The following DNHD1 variants were observed in gnomAD, a reference collection of about 807,000 sequenced individuals.
DNHD1 encodes dynein heavy chain domain-containing protein 1.
A neutral mutation model predicts 458.1 loss-of-function variants in DNHD1; 383 were observed. That is an observed-to-expected ratio of 0.84 (90% confidence interval 0.77 to 0.91). The LOEUF (loss-of-function observed/expected upper bound fraction) is 0.91. Ranked by LOEUF, DNHD1 falls within the 40% of genes least tolerant of loss-of-function variation. The pLI is 0.00. For missense variants in DNHD1, 5,336 were observed against 5,866.1 expected (o/e 0.91, Z 2.95); for synonymous variants, 2,203 against 2,376.9 (o/e 0.93, Z 2.13).
rs751124432 is a variant in DNHD1 at position 6,533,709 on chromosome 11, A to G, written c.2534A>G (p.Glu845Gly). 2.5e-5 allele frequency: 39 copies of G among 1,551,148 alleles called. No individual in the cohort carries two copies. Among genetic ancestry groups the G allele is most frequent in the Non-Finnish European group, 3.1e-5 (36 of 1,146,658 alleles). The change falls in exon 14 of 43, where the codon GAG becomes GGG. Residue 845 changes from glutamate to glycine, a missense_variant. Physicochemically the swap from Glu to Gly is moderately conservative, Grantham distance 98 (BLOSUM62 -2). This residue lies in a region of DNHD1 where 3,932 missense variants were observed against 4,365.6 expected (regional missense o/e 0.90). Transcript: ENST00000254579. ...AATGAAGCCAATGAACAGTACGTCG[A>G]GCTGGAGGAGCGAATGGAATACGTA... Reference protein sequence around the residue: ...KLNEANEQYVELEERMEYVRA... With the variant: ...KLNEANEQYVGLEERMEYVRA...
At chr11:6,523,823 CA>C (rs1852653447) in intron 10 of DNHD1, among the ~76,000 whole-genome samples, 1 of 151,876 alleles carries the variant, frequency 6.6e-6, no homozygotes, top group Admixed American at 6.6e-5. Flanking sequence ...CCTGTCTCTA[CA>C]AAAAAATTTA....
At chr11:6,560,750 A>G (rs1430330549) in intron 28 of DNHD1, among the ~76,000 whole-genome samples, 1 of 152,160 alleles carries the variant, frequency 6.6e-6, no homozygotes, top group African/African-American at 2.4e-5. Context: ...CCCCAAGAAA[A>G]GGCATTACCA....
In DNHD1 at chr11:6,557,552, A is replaced by G. The variant is rs1170037923; in HGVS notation, c.8257A>G (p.Ile2753Val). ...NSRDPSLTPS[I>V]GPVSRGMKES... ...CAGAGATCCAAGTCTAACACCATCCATAGGACCAGTAAGCAGGGGGATGAA... is the reference window on the plus strand; with the variant it reads ...CAGAGATCCAAGTCTAACACCATCCGTAGGACCAGTAAGCAGGGGGATGAA... Residue 2753 changes from isoleucine to valine, a missense_variant, in exon 25 of 43, where the codon ATA (isoleucine) becomes GTA (valine). By Grantham distance (29) the Ile-to-Val change is conservative. Coordinates refer to ENST00000254579, the MANE Select transcript of DNHD1 (RefSeq NM_144666.3). 3 of 1,551,660 alleles carry G rather than the reference A, an allele frequency of 1.9e-6. No homozygotes were observed. The highest frequency in any genetic ancestry group is 2.4e-5 in the South Asian group (2 of 84,066).
In DNHD1 at chr11:6,498,282, T is replaced by A. The variant is rs948621562; in HGVS notation, c.67T>A (p.Trp23Arg). ...GACATCATCTGATTCCCTTAAGTCT[T>A]GGCACTCCATATGTGTCTTGGACAG... ...DETSSDSLKS[W>R]HSICVLDSKE... Residue 23 changes from tryptophan to arginine, a missense_variant, in exon 3 of 43, where the codon TGG becomes AGG. By Grantham distance (101) the Trp-to-Arg change is moderately radical. This residue lies in a region of DNHD1 where 3,932 missense variants were observed against 4,365.6 expected (regional missense o/e 0.90). Coordinates refer to ENST00000254579, the MANE Select transcript of DNHD1 (RefSeq NM_144666.3). The A allele has an allele frequency of 6.2e-7, 1 of 1,614,208 alleles. No individual in the cohort carries two copies. Among genetic ancestry groups the A allele is most frequent in the Admixed American group, 1.7e-5 (1 of 60,032 alleles).
At chr11:6,519,534 A>C in intron 7 of DNHD1, 66 bp from the exon 8 acceptor site, 1 of 1,578,006 alleles carries the variant, frequency 6.3e-7, no homozygotes, top group South Asian at 1.2e-5. Flanking sequence ...GAGTTTGCAC[A>C]GACTAGTGGG....
chr11:6,547,809 A>T lies in DNHD1; in HGVS notation c.6728-54A>T. On this transcript the variant is annotated intron_variant, in intron 21 of 42. Coordinates refer to ENST00000254579, the MANE Select transcript of DNHD1 (RefSeq NM_144666.3). ...ACTGTCAACCTTTTTTCTTTCTTTC[A>T]CCTTCCACCTTTTTCTACTGGGGCT... The T allele has an allele frequency of 3.9e-6, 6 of 1,540,862 alleles. No homozygotes were observed. In the Admixed American group the frequency reaches 6.0e-5, roughly 16 times the overall value.
At chr11:6,515,203 C>T (rs1430481319) in intron 7 of DNHD1, among the ~76,000 whole-genome samples, 2 of 152,196 alleles carry the variant, frequency 1.3e-5, no homozygotes, top group African/African-American at 4.8e-5. Flanking sequence ...CAAATCATAG[C>T]AACTCCTGTA....
intron 25 of DNHD1, 30 bp from the exon 26 acceptor site, chr11:6,558,455 G>A: frequency 6.4e-7 from 1 of 1,550,474 alleles, no homozygotes; most frequent in Non-Finnish European, 8.7e-7. Flanking sequence ...AAGGTAAAGG[G>A]GAGGACATTA....
Position 6,511,395 on chromosome 11 carries a change from G to T in DNHD1, c.1358G>T (p.Arg453Leu), listed in dbSNP as rs148449070. The T allele has an allele frequency of 2.5e-6, 4 of 1,614,188 alleles. No homozygotes were observed. The African/African-American group carries it at 5.3e-5, about 22-fold the overall frequency. Reference sequence around the variant, plus strand: ...CATAAGGCTCTACGGCTGCTCCATCGTTGCCTAAACCTCTGCACATCCATT... The same window carrying T: ...CATAAGGCTCTACGGCTGCTCCATCTTTGCCTAAACCTCTGCACATCCATT... The part of the protein sequence containing the change: ...EKHKALRLLH[R>L]CLNLCTSILR... The change falls in exon 7 of 43, where the codon CGT becomes CTT. Residue 453 changes from arginine (R) to leucine (L), a missense_variant. Transcript: ENST00000254579.
At chr11:6,538,941 T>C (rs1438518992) in intron 16 of DNHD1, 131 bp downstream of exon 16, 2 of 1,060,112 alleles carry the variant, frequency 1.9e-6, no homozygotes, top group Non-Finnish European at 2.7e-6. Context: ...CTTTCCCACA[T>C]ATTTCAATTT....
chr11:6,534,910 C>T (rs1215562514), intron 14 of DNHD1, among the ~76,000 whole-genome samples: 1 of 152,144 alleles, frequency 6.6e-6, no homozygotes, highest in Non-Finnish European at 1.5e-5. Context: ...CCATGCCTGG[C>T]TAATTTTTGT....
intron 3 of DNHD1, among the ~76,000 whole-genome samples, chr11:6,499,654 G>T (rs564635087): frequency 6.6e-6 from 1 of 151,852 alleles, no homozygotes; most frequent in Non-Finnish European, 1.5e-5. Context: ...CGCAACCTCC[G>T]CCTCCCGGGT....
chr11:6,567,971 G>C, intron 36 of DNHD1, 85 bp from the exon 37 acceptor site: 3 of 1,481,532 alleles, frequency 2.0e-6, no homozygotes, highest in Non-Finnish European at 2.7e-6. Context: ...AGGGACTTTG[G>C]GGATCATGGT....
intron 24 of DNHD1, among the ~76,000 whole-genome samples, chr11:6,555,998 A>ATTG (rs1229921703): frequency 6.6e-6 from 1 of 151,988 alleles, no homozygotes; most frequent in East Asian, 1.9e-4. Flanking sequence ...TATTATTATT[A>ATTG]TTTTTAGAGA....
Position 6,548,129 on chromosome 11 carries a change from G to T in DNHD1, c.6906-81G>T. The T allele has an allele frequency of 6.5e-7, 1 of 1,544,630 alleles. No homozygotes were observed. The highest frequency in any genetic ancestry group is 1.2e-5 in the South Asian group (1 of 83,914). ...AAACCCACATGACATCACTGTTAGG[G>T]TATGGTGGAGTGTGTGAGTGTGTCA... On this transcript the variant is annotated intron_variant, in intron 22 of 42. Transcript: ENST00000254579. The surrounding 1 kb of genome is among the most constrained non-coding windows in gnomAD (Gnocchi z 4.4).
Position 6,520,308 on chromosome 11 carries a change from G to A in DNHD1, c.1837+19G>A. 1.3e-6 allele frequency: 2 copies of A among 1,551,632 alleles called. No homozygotes were observed. Among genetic ancestry groups the A allele is most frequent in the Non-Finnish European group, 1.7e-6 (2 of 1,146,968 alleles). ...TCTGAAGGTATTTAGGGAGACCTAG[G>A]CAGGGGGTAGGAAGGCTGAAGGAGG... On this transcript the variant is annotated intron_variant, in intron 10 of 42. Transcript: ENST00000254579.
chr11:6,570,599 C>A lies in DNHD1; in HGVS notation c.13106-19C>A. 1 of 1,578,082 alleles carries A rather than the reference C, an allele frequency of 6.3e-7. No homozygotes were observed. Among genetic ancestry groups the A allele is most frequent in the East Asian group, 2.3e-5 (1 of 43,852 alleles). ...GGGAGAGTCCATCTTGTCCCTCACCCCTCACCTCTATCCCCAAGAGCTAAG... is the reference window on the plus strand; with the variant it reads ...GGGAGAGTCCATCTTGTCCCTCACCACTCACCTCTATCCCCAAGAGCTAAG... On this transcript the variant is annotated intron_variant, in intron 41 of 42. Transcript: ENST00000254579.
In DNHD1 at chr11:6,558,209, G is replaced by A. The variant is rs1466364353; in HGVS notation, c.8914G>A (p.Glu2972Lys). ...TSGSFPGQYTEADLDRIGEHL... is the reference protein window; with the variant it reads ...TSGSFPGQYTKADLDRIGEHL... Reference sequence around the variant, plus strand: ...AGGCAGTTTCCCTGGCCAGTACACAGAAGCAGATTTGGACCGCATTGGAGA... The same window carrying A: ...AGGCAGTTTCCCTGGCCAGTACACAAAAGCAGATTTGGACCGCATTGGAGA... Residue 2972 changes from glutamate to lysine, a missense_variant, in exon 25 of 43, where the codon GAA becomes AAA. By Grantham distance (56) the Glu-to-Lys change is moderately conservative (BLOSUM62 1). Transcript: ENST00000254579. 1.3e-6 allele frequency: 2 copies of A among 1,551,744 alleles called. No homozygotes were observed. The highest frequency in any genetic ancestry group is 3.9e-5 in the Admixed American group (2 of 51,012).
chr11:6,557,616 C>G lies in DNHD1; in HGVS notation c.8321C>G (p.Thr2774Arg), dbSNP rs1456679381. ...ISHKIRQEKG[T>R]RASNYRLQVR... ...CACAAGATAAGGCAAGAGAAAGGCA[C>G]AAGGGCATCCAACTATAGGCTCCAG... is the stretch of plus-strand genomic sequence containing the variant. Residue 2774 changes from threonine to arginine, a missense_variant, in exon 25 of 43, where the codon ACA (threonine) becomes AGA (arginine). By Grantham distance (71) the Thr-to-Arg change is moderately conservative (BLOSUM62 -1). This residue lies in a region of DNHD1 where 3,932 missense variants were observed against 4,365.6 expected (regional missense o/e 0.90). Coordinates refer to ENST00000254579, the MANE Select transcript of DNHD1 (RefSeq NM_144666.3). The G allele has an allele frequency of 1.3e-6, 2 of 1,551,768 alleles. No homozygotes were observed. The highest frequency in any genetic ancestry group is 1.7e-6 in the Non-Finnish European group (2 of 1,147,010).
Sources: allele counts gnomAD v4.1 joint callset (sites outside exome capture counted in the v4.1 genomes callset), GRCh38; gene constraint gnomAD v4.1.1; regional missense constraint gnomAD v4.1.1; non-coding constraint Gnocchi (gnomAD v3.1); transcripts MANE v1.5; gene names NCBI Gene and HGNC (gene_info 2026-07-23, HGNC 2026-07-21).